Variants in RAB30 observed in about 807,000 individuals in gnomAD.
RAB30 encodes the protein RAB30, member RAS oncogene family, also known as ras-related protein Rab-30.
Under a neutral mutation model 25.1 loss-of-function variants are expected in RAB30, and 9 were observed. The observed-to-expected ratio is 0.36, with a 90% CI of 0.22 to 0.63. The LOEUF is 0.63. Ranked by LOEUF, RAB30 falls within the 20% of genes least tolerant of loss-of-function variation. The probability of loss-of-function intolerance (pLI) is 0.69; values close to 1 mark genes in which losing one functional copy is unlikely to be tolerated. For synonymous variants in RAB30, 77 were observed against 86.4 expected (o/e 0.89, Z 0.60); for missense variants, 140 against 243.5 (o/e 0.58, Z 2.83).
intron 1 of RAB30, among the ~76,000 whole-genome samples, chr11:83,059,342 T>A (rs1235248739): frequency 6.6e-6 from 1 of 152,376 alleles, no homozygotes; most frequent in East Asian, 1.9e-4. Context: ...TCTTTTAATA[T>A]ATCCTTGGAG....
At chr11:83,047,958 A>T (rs911112772) in intron 1 of RAB30, among the ~76,000 whole-genome samples, 6 of 152,200 alleles carry the variant, frequency 3.9e-5, no homozygotes, top group Admixed American at 3.9e-4. Flanking sequence ...CCTCTAAAGA[A>T]GCAACTTGGG....
rs536130717 is a variant in RAB30, at chr11:83,030,277, G to A, written c.-8-32953C>T. Among the ~76,000 whole-genome samples the A allele has an allele frequency of 1.9e-3, 284 of 151,696 alleles. 2 individuals are homozygous for A. The highest frequency in any genetic ancestry group is 2.2e-3 in the Non-Finnish European group (149 of 67,942). ...TTTGGGAGGCCAAAGCAGGAGGATC[G>A]CTTGAGACCAGGAGTTCAAGAGCAG... On this transcript the variant is annotated intron_variant, in intron 1 of 4. Transcript: ENST00000527633.
At chr11:83,036,815 C>T (rs2121514385) in intron 1 of RAB30, among the ~76,000 whole-genome samples, 1 of 152,256 alleles carries the variant, frequency 6.6e-6, no homozygotes, top group African/African-American at 2.4e-5. Flanking sequence ...ACAAGAAGTG[C>T]AAGGGTTAGC....
chr11:82,990,765 A>C lies in RAB30; in HGVS notation c.178-2995T>G, dbSNP rs566756306. On this transcript the variant is annotated intron_variant, in intron 3 of 4. Transcript: ENST00000527633. ...TATGAGAAAGTTCTGTGTTTTTTCC[A>C]TTTTTTTTATTCTGCTAAAACATAC... 1.4e-4 allele frequency among the ~76,000 whole-genome samples: 21 copies of C among 151,874 alleles called. 1 individual carries two copies. Among genetic ancestry groups the C allele is most frequent in the African/African-American group, 4.8e-4 (20 of 41,400 alleles).
intron 1 of RAB30, among the ~76,000 whole-genome samples, chr11:83,019,070 A>C (rs1041728076): frequency 2.0e-5 from 3 of 152,350 alleles, no homozygotes. Flanking sequence ...TCCGTCACCC[A>C]GGCTGGAATG....
chr11:82,988,039 A>G (rs540094962), intron 3 of RAB30, among the ~76,000 whole-genome samples: 1 of 147,918 alleles, frequency 6.8e-6, no homozygotes, highest in South Asian at 2.1e-4. Flanking sequence ...TTTCCTTTTC[A>G]TTCTTAAAAA....
At chr11:83,032,984 A>T (rs906124966) in intron 1 of RAB30, among the ~76,000 whole-genome samples, 6 of 151,468 alleles carry the variant, frequency 4.0e-5, no homozygotes, top group Non-Finnish European at 5.9e-5. Context: ...GAACATAATA[A>T]TATGGTTTTG....
chr11:83,070,146 G>A (rs915353577), intron 1 of RAB30, among the ~76,000 whole-genome samples: 2 of 152,082 alleles, frequency 1.3e-5, no homozygotes, highest in Non-Finnish European at 1.5e-5. Context: ...GGGGTGGGGG[G>A]AAGAAATGAA....
At chr11:83,033,979 T>A (rs1193250005) in intron 1 of RAB30, 2 of 152,188 alleles carry the variant, frequency 1.3e-5, no homozygotes, top group Non-Finnish European at 2.9e-5. Flanking sequence ...GAAACCTCCA[T>A]CTGTCCTCAA....
intron 1 of RAB30, among the ~76,000 whole-genome samples, chr11:83,031,371 C>G (rs1857853935): frequency 6.6e-6 from 1 of 152,262 alleles, no homozygotes; most frequent in South Asian, 2.1e-4. Context: ...GTTCTACATT[C>G]TAAATTTCTC....
rs1856564434 is a variant in RAB30, at chr11:82,977,460, A to G, written c.*4705T>C. The G allele has an allele frequency of 6.6e-6, 1 of 152,310 alleles. No individual in the cohort carries two copies. Among genetic ancestry groups the G allele is most frequent in the Non-Finnish European group, 1.5e-5 (1 of 68,028 alleles). The allele number at this position is 152,310 out of a possible 1,614,324, so 9.4% of individuals were successfully genotyped here. On this transcript the variant is annotated 3_prime_UTR_variant, in exon 5 of 5. Transcript: ENST00000527633. Reference sequence around the variant, plus strand: ...TTAGGTTAATAGGTCACCTGCTCCAATCTCCAACCAATTGGATCCTCTCCA... The same window carrying G: ...TTAGGTTAATAGGTCACCTGCTCCAGTCTCCAACCAATTGGATCCTCTCCA...
At chr11:83,046,478 C>A (rs1858236511) in intron 1 of RAB30, among the ~76,000 whole-genome samples, 2 of 152,128 alleles carry the variant, frequency 1.3e-5, no homozygotes, top group South Asian at 2.1e-4. Context: ...TCTCTACCCC[C>A]AGCTTAGAAT....
At chr11:83,039,867 G>C (rs546414775) in intron 1 of RAB30, among the ~76,000 whole-genome samples, 5 of 152,160 alleles carry the variant, frequency 3.3e-5, no homozygotes, top group Non-Finnish European at 7.3e-5. Context: ...GGACTTCTCT[G>C]GAACTGTGGG....
At chr11:83,040,475 C>G (rs1858083153) in intron 1 of RAB30, among the ~76,000 whole-genome samples, 1 of 151,866 alleles carries the variant, frequency 6.6e-6, no homozygotes, top group African/African-American at 2.4e-5. Context: ...CCTGTAATTC[C>G]AGCTACTCAG....
At chr11:82,998,703 T>C (rs1857012409) in intron 1 of RAB30, among the ~76,000 whole-genome samples, 1 of 146,684 alleles carries the variant, frequency 6.8e-6, no homozygotes. Context: ...TGAGAAAAGT[T>C]AAATAATGAA....
At chr11:82,997,168 G>A (rs1414168933) in intron 2 of RAB30, 56 bp downstream of exon 2, 1 of 1,450,016 alleles carries the variant, frequency 6.9e-7, no homozygotes, top group Admixed American at 1.7e-5. Flanking sequence ...CAACCCCTCA[G>A]GCTAGACTGA....
At chr11:83,051,222 G>A (rs1858350620) in intron 1 of RAB30, among the ~76,000 whole-genome samples, 1 of 152,122 alleles carries the variant, frequency 6.6e-6, no homozygotes, top group South Asian at 2.1e-4. Context: ...AAGATGGAAG[G>A]AGCCTGGGTG....
intron 1 of RAB30, among the ~76,000 whole-genome samples, chr11:83,010,470 C>A (rs1023522072): frequency 3.6e-4 from 55 of 152,148 alleles, no homozygotes; most frequent in African/African-American, 1.2e-3. Flanking sequence ...TAAATAAATA[C>A]TTAGAAGGAA....
At chr11:83,000,974 A>C (rs1443866041) in intron 1 of RAB30, among the ~76,000 whole-genome samples, 1 of 145,806 alleles carries the variant, frequency 6.9e-6, no homozygotes, top group Non-Finnish European at 1.5e-5. Flanking sequence ...GTGAACCCAG[A>C]AGGCAGAGCT....
Sources: gnomAD v4.1 joint callset for allele counts (sites outside exome capture counted in the v4.1 genomes callset) on GRCh38, gnomAD v4.1.1 for gene constraint, MANE v1.5 for transcripts, NCBI Gene and HGNC (gene_info 2026-07-23, HGNC 2026-07-21) for gene names.